The following DHX30 variants were observed in gnomAD, a reference collection of about 807,000 sequenced individuals.
DHX30 encodes DExH-box helicase 30.
In DHX30, 4 loss-of-function variants were observed where a neutral mutation model predicts 116.9. That is an observed-to-expected ratio of 0.03 (90% CI 0.02 to 0.08). The LOEUF (loss-of-function observed/expected upper bound fraction) is 0.08. Among genes scored for constraint, DHX30 ranks in the 10% least tolerant of loss-of-function variants. The pLI is 1.00. For missense variants in DHX30, 871 were observed against 1,595.1 expected (o/e 0.55, Z 7.73); for synonymous variants, 697 against 651.7 (o/e 1.07, Z -1.06).
At chr3:47,824,627 C>T (rs528258025) in intron 4 of DHX30, 53 of 158,338 alleles carry the variant, frequency 3.3e-4, no homozygotes, top group Non-Finnish European at 6.1e-4. Flanking sequence ...ACTTTGTAAG[C>T]CGTTAAATAA....
chr3:47,803,463 G>C (rs2035380674), intron 1 of DHX30, among the ~76,000 whole-genome samples: 1 of 152,162 alleles, frequency 6.6e-6, no homozygotes, highest in Non-Finnish European at 1.5e-5. Context: ...GGGCCAGACC[G>C]GTCCGCCGGG....
chr3:47,822,256 C>T (rs907843031), intron 4 of DHX30: 2 of 152,226 alleles, frequency 1.3e-5, no homozygotes, highest in African/African-American at 4.8e-5. Context: ...AATACTTGCT[C>T]AGGGTGACTC....
Position 47,847,247 on chromosome 3 carries a change from CTG to C in DHX30, c.1930-23_1930-22del, listed in dbSNP as rs2037653469. 6.2e-7 allele frequency: 1 copy of C among 1,614,156 alleles called. No homozygotes were observed. The highest frequency in any genetic ancestry group is 1.1e-5 in the South Asian group (1 of 91,086). ...ATGACCCCTTACCCCGGGGCTGTGA[CTG>C]TGGCCTCTCTTCCCCCACCCCAGTC... On this transcript the variant is annotated intron_variant, in intron 11 of 21. Transcript: ENST00000445061. This position sits in a 1 kb window ranked among gnomAD's most constrained non-coding sequence, Gnocchi z 5.5.
At chr3:47,821,030 T>C (rs2036273472) in intron 4 of DHX30, among the ~76,000 whole-genome samples, 1 of 152,036 alleles carries the variant, frequency 6.6e-6, no homozygotes, top group African/African-American at 2.4e-5. Context: ...GTCGGCTCAC[T>C]GCAACCTCTG....
intron 3 of DHX30, among the ~76,000 whole-genome samples, chr3:47,812,808 C>T (rs1002254942): frequency 1.3e-5 from 2 of 150,928 alleles, no homozygotes; most frequent in Middle Eastern, 3.2e-3. Flanking sequence ...GGACTACAGG[C>T]GTGTGCCACC....
At chr3:47,808,538 T>C (rs1345038233) in intron 2 of DHX30, among the ~76,000 whole-genome samples, 4 of 151,448 alleles carry the variant, frequency 2.6e-5, no homozygotes, top group Non-Finnish European at 5.9e-5. Flanking sequence ...TTCGTAGCAA[T>C]AGAGTATTGT....
At chr3:47,821,814 G>GC (rs1221695815) in intron 4 of DHX30, among the ~76,000 whole-genome samples, 1 of 151,520 alleles carries the variant, frequency 6.6e-6, no homozygotes, top group Admixed American at 6.6e-5. Context: ...GGCCAGGCTG[G>GC]CCTTGAACTC....
At chr3:47,842,856 T>C (rs2037443952) in intron 8 of DHX30, among the ~76,000 whole-genome samples, 1 of 152,230 alleles carries the variant, frequency 6.6e-6, no homozygotes, top group African/African-American at 2.4e-5. Context: ...GGGCAGGTGA[T>C]GGCATTGCCC....
At chr3:47,832,002 T>C in intron 6 of DHX30, among the ~76,000 whole-genome samples, 1 of 151,144 alleles carries the variant, frequency 6.6e-6, no homozygotes, top group Non-Finnish European at 1.5e-5. Context: ...CTTGAACTAT[T>C]CTTAATGAAT....
Position 47,849,956 on chromosome 3 carries a change from C to T in DHX30, c.3421C>T (p.Leu1141=). 1 of 1,613,012 alleles carries T rather than the reference C, an allele frequency of 6.2e-7. No individual in the cohort carries two copies. The highest frequency in any genetic ancestry group is 8.5e-7 in the Non-Finnish European group (1 of 1,179,754). Residue 1141 remains leucine, a synonymous_variant, in exon 22 of 22, where the codon CTG becomes TTG. Transcript: ENST00000445061. ...GCGTACCGTGCGGCTGCTGAAGGAG[C>T]TGCGGCGGGCCCTGGGCCGCATGGT... ...DSRTVRLLKE[L]RRALGRMVER... is the part of the protein sequence containing the mutation.
rs572221868 is a variant in DHX30 at position 47,809,479 on chromosome 3, C to T, written c.-27-1178C>T. ...AAGGATGGTCTCGATCTCCTGACCTCGTGATCCGCCCACCTCGGCCTCCCA... is the reference window on the plus strand; with the variant it reads ...AAGGATGGTCTCGATCTCCTGACCTTGTGATCCGCCCACCTCGGCCTCCCA... On this transcript the variant is annotated intron_variant, in intron 2 of 21. Transcript: ENST00000445061. 8.6e-5 allele frequency among the ~76,000 whole-genome samples: 13 copies of T among 151,394 alleles called. No homozygotes were observed. In the South Asian group the frequency reaches 2.1e-3, roughly 24 times the overall value.
chr3:47,818,647 T>G (rs532845218), intron 4 of DHX30, among the ~76,000 whole-genome samples: 13 of 152,252 alleles, frequency 8.5e-5, no homozygotes, highest in African/African-American at 3.1e-4. Context: ...GTCCTTTTGA[T>G]TGGGGAGAAT....
At chr3:47,819,385 G>A (rs563822667) in intron 4 of DHX30, 10 of 913,452 alleles carry the variant, frequency 1.1e-5, no homozygotes, top group African/African-American at 1.7e-5. Flanking sequence ...AACACTGATC[G>A]CAGGATGGGC....
intron 4 of DHX30, among the ~76,000 whole-genome samples, chr3:47,819,066 A>G (rs1442049570): frequency 6.6e-6 from 1 of 151,754 alleles, no homozygotes; most frequent in African/African-American, 2.4e-5. Flanking sequence ...CAGTTTTCAC[A>G]CTCCTGCTGC....
intron 3 of DHX30, among the ~76,000 whole-genome samples, chr3:47,815,625 T>TA (rs1363307838): frequency 6.6e-6 from 1 of 151,468 alleles, no homozygotes; most frequent in African/African-American, 2.4e-5. Flanking sequence ...AGTTACTTGT[T>TA]ACTGCCCTTG....
intron 3 of DHX30, chr3:47,816,706 G>C: frequency 1.0e-6 from 1 of 985,616 alleles, no homozygotes; most frequent in Non-Finnish European, 1.2e-6. Context: ...AGGAAGCCCA[G>C]GTGGAGGTGG....
intron 6 of DHX30, among the ~76,000 whole-genome samples, 153 bp downstream of exon 6, chr3:47,829,287 G>GATATATATATAT (rs1189388149): frequency 6.1e-4 from 22 of 35,840 alleles, no homozygotes; most frequent in African/African-American, 2.7e-3. Context: ...CAGCCAATGA[G>GATATATATATAT]ATATATATAT....
At chr3:47,821,102 C>T (rs939571840) in intron 4 of DHX30, among the ~76,000 whole-genome samples, 2 of 151,802 alleles carry the variant, frequency 1.3e-5, no homozygotes, top group African/African-American at 2.4e-5. Flanking sequence ...TACAGGCATG[C>T]ACCAGCATGC....
chr3:47,814,285 A>G (rs546489579), intron 3 of DHX30, among the ~76,000 whole-genome samples: 87 of 151,468 alleles, frequency 5.7e-4, no homozygotes, highest in African/African-American at 2.1e-3. Flanking sequence ...AAATAAAAAT[A>G]AAAATCAGCC....
Sources: gnomAD v4.1 joint callset for allele counts (sites outside exome capture counted in the v4.1 genomes callset) on GRCh38, gnomAD v4.1.1 for gene constraint, Gnocchi (gnomAD v3.1) non-coding constraint, MANE v1.5 for transcripts, NCBI Gene and HGNC (gene_info 2026-07-23, HGNC 2026-07-21) for gene names.